Variants in INPP4B observed in about 807,000 individuals in gnomAD.
INPP4B encodes inositol polyphosphate 4-phosphatase type II.
A neutral mutation model predicts 122.5 loss-of-function variants in INPP4B; 55 were observed. The ratio of observed to expected loss-of-function variants is 0.45; its 90% CI spans 0.36 to 0.56. The LOEUF is 0.56. Among genes scored for constraint, INPP4B ranks in the 20% least tolerant of loss-of-function variants. INPP4B has a pLI of 0.00. For missense variants in INPP4B, 1,000 were observed against 1,097.7 expected, an observed-to-expected ratio of 0.91 and a Z score of 1.26; for synonymous variants, 403 against 388.7, an observed-to-expected ratio of 1.04 and a Z score of -0.43.
intron 2 of INPP4B, among the ~76,000 whole-genome samples, chr4:142,586,347 C>A (rs149302220): frequency 6.6e-6 from 1 of 152,018 alleles, no homozygotes; most frequent in African/African-American, 2.4e-5. Context: ...ACAACAACAA[C>A]GACAACAACA....
At chr4:142,819,042 T>A (rs1780486975) in intron 1 of INPP4B, among the ~76,000 whole-genome samples, 1 of 152,142 alleles carries the variant, frequency 6.6e-6, no homozygotes, top group Admixed American at 6.5e-5. Context: ...GATGAAGGAC[T>A]CCAGTCATGC....
chr4:142,028,686 C>T lies in INPP4B; in HGVS notation c.*96G>A. 7.5e-7 allele frequency: 1 copy of T among 1,336,340 alleles called. No individual in the cohort carries two copies. Among genetic ancestry groups the T allele is most frequent in the East Asian group, 2.4e-5 (1 of 42,512 alleles). The allele number at this position is 1,336,340 out of a possible 1,614,324, so 82.8% of individuals were successfully genotyped here. Reference sequence around the variant, plus strand: ...ACATCTGTGATCATCTCCCCCACCACAAATTCATGACAATAAAAACAAACA... The same window carrying T: ...ACATCTGTGATCATCTCCCCCACCATAAATTCATGACAATAAAAACAAACA... On this transcript the variant is annotated 3_prime_UTR_variant, in exon 26 of 26. Coordinates refer to ENST00000262992, the MANE Select transcript of INPP4B (RefSeq NM_001101669.3).
intron 25 of INPP4B, among the ~76,000 whole-genome samples, chr4:142,071,231 A>G (rs937106322): frequency 1.4e-4 from 22 of 152,052 alleles, no homozygotes; most frequent in African/African-American, 4.6e-4. Flanking sequence ...AACAAGAAAT[A>G]GGGAAAGGAT....
At chr4:142,646,443 T>A (rs1751792306) in intron 2 of INPP4B, among the ~76,000 whole-genome samples, 1 of 152,148 alleles carries the variant, frequency 6.6e-6, no homozygotes, top group Non-Finnish European at 1.5e-5. Flanking sequence ...TATAGCAATA[T>A]TGGAATGTTA....
At chr4:142,450,546 T>A (rs925142670) in intron 3 of INPP4B, among the ~76,000 whole-genome samples, 1 of 152,204 alleles carries the variant, frequency 6.6e-6, no homozygotes, top group Non-Finnish European at 1.5e-5. Context: ...TATCCATCCA[T>A]AATTTCCACA....
rs1578658054 is a variant in INPP4B at position 142,029,474 on chromosome 4, A to G, written c.2643-560T>C. 1.0e-5 allele frequency: 10 copies of G among 985,894 alleles called. No individual in the cohort carries two copies. In the South Asian group the frequency reaches 4.2e-4, roughly 42 times the overall value. 61.1% of individuals were successfully genotyped at this position (985,894 alleles called of 1,614,324 possible). A position where few individuals can be genotyped will look rare whatever the true frequency, so the allele number is the denominator to read the frequency against. On this transcript the variant is annotated intron_variant, in intron 25 of 25. Coordinates refer to ENST00000262992, the MANE Select transcript of INPP4B (RefSeq NM_001101669.3). ...AGAGTGCTTGTCCACGGACAGTACA[A>G]AAGTCACAAGTGCTGGGAATGGTAC...
At chr4:142,498,785 T>C (rs550256938) in intron 2 of INPP4B, among the ~76,000 whole-genome samples, 3 of 152,000 alleles carry the variant, frequency 2.0e-5, no homozygotes, top group African/African-American at 4.8e-5. Flanking sequence ...GGAGATCCTG[T>C]CTCAAAAGAA....
chr4:142,353,729 C>T (rs1782691600), intron 7 of INPP4B, among the ~76,000 whole-genome samples: 1 of 151,916 alleles, frequency 6.6e-6, no homozygotes, highest in South Asian at 2.1e-4. Flanking sequence ...GTGCACTGCC[C>T]ATAATATCAC....
At chr4:142,301,764 C>G (rs1761503145) in intron 9 of INPP4B, among the ~76,000 whole-genome samples, 1 of 152,112 alleles carries the variant, frequency 6.6e-6, no homozygotes, top group Admixed American at 6.6e-5. Context: ...TGCAGAGGCA[C>G]ACAACAAAGC....
At chr4:142,350,486 TCAC>T (rs1045234426) in intron 7 of INPP4B, among the ~76,000 whole-genome samples, 9 of 152,028 alleles carry the variant, frequency 5.9e-5, no homozygotes, top group Non-Finnish European at 1.2e-4. Context: ...ATTCAAATTC[TCAC>T]CACATTTCCC....
intron 15 of INPP4B, among the ~76,000 whole-genome samples, chr4:142,189,457 A>G (rs3113519): frequency 0.98 from 148,667 of 152,156 alleles, 72,716 homozygotes; most frequent in Non-Finnish European, 1. Context: ...CAGAAACGGC[A>G]TACAAGAAAA....
At chr4:142,315,406 C>G (rs1271699348) in intron 7 of INPP4B, among the ~76,000 whole-genome samples, 1 of 151,950 alleles carries the variant, frequency 6.6e-6, no homozygotes, top group African/African-American at 2.4e-5. Flanking sequence ...GTCAAAGAAC[C>G]GGTTATCTGG....
chr4:142,425,792 A>G (rs1482007568), intron 5 of INPP4B, among the ~76,000 whole-genome samples: 1 of 152,024 alleles, frequency 6.6e-6, no homozygotes, highest in Non-Finnish European at 1.5e-5. Flanking sequence ...GATTTTATAT[A>G]CAGGCTTTCT....
chr4:142,023,405 G>T lies in INPP4B; in HGVS notation c.*5377C>A, dbSNP rs1243777881. 6.6e-6 allele frequency: 1 copy of T among 152,098 alleles called. No individual in the cohort carries two copies. The highest frequency in any genetic ancestry group is 1.5e-5 in the Non-Finnish European group (1 of 68,016). The allele number at this position is 152,098 out of a possible 1,614,324, so 9.4% of individuals were successfully genotyped here. On this transcript the variant is annotated 3_prime_UTR_variant, in exon 26 of 26. Coordinates refer to ENST00000262992, the MANE Select transcript of INPP4B (RefSeq NM_001101669.3). Reference sequence around the variant, plus strand: ...ACAAAAACCTAAAAGTTAAATGTTAGATTAAATAAAATTATAAAATATCCA... The same window carrying T: ...ACAAAAACCTAAAAGTTAAATGTTATATTAAATAAAATTATAAAATATCCA...
At chr4:142,773,009 A>C (rs565839805) in intron 1 of INPP4B, among the ~76,000 whole-genome samples, 4 of 152,192 alleles carry the variant, frequency 2.6e-5, no homozygotes, top group Non-Finnish European at 4.4e-5. Context: ...TTGCACCACT[A>C]CACTCCAGCC....
chr4:142,785,933 G>T (rs1775705384), intron 1 of INPP4B, among the ~76,000 whole-genome samples: 1 of 152,048 alleles, frequency 6.6e-6, no homozygotes, highest in South Asian at 2.1e-4. Flanking sequence ...GGTTGGAGGG[G>T]ACACCTTGCA....
At chr4:142,596,698 T>G (rs1461634852) in intron 2 of INPP4B, among the ~76,000 whole-genome samples, 2 of 152,204 alleles carry the variant, frequency 1.3e-5, no homozygotes, top group Non-Finnish European at 2.9e-5. Flanking sequence ...CATTTGGGAT[T>G]CATCTAAAAT....
intron 2 of INPP4B, among the ~76,000 whole-genome samples, chr4:142,488,269 A>G (rs557254387): frequency 6.6e-6 from 1 of 152,196 alleles, no homozygotes; most frequent in Non-Finnish European, 1.5e-5. Context: ...ATAATATAGT[A>G]TCCTCTTTAT....
chr4:142,345,502 TA>T (rs1166288776), intron 7 of INPP4B, among the ~76,000 whole-genome samples: 1 of 151,990 alleles, frequency 6.6e-6, no homozygotes, highest in Non-Finnish European at 1.5e-5. Context: ...TGTGTGTGGT[TA>T]AATGGGTGTA....
Sources: allele counts gnomAD v4.1 joint callset (sites outside exome capture counted in the v4.1 genomes callset), GRCh38; gene constraint gnomAD v4.1.1; transcripts MANE v1.5; gene names NCBI Gene and HGNC (gene_info 2026-07-23, HGNC 2026-07-21).